HIGD1C: variants seen among roughly 807,000 people sequenced by gnomAD.
HIGD1C encodes HIG1 hypoxia inducible domain family member 1C, also known as HIG1 domain family member 1C.
HIGD1C carries 11 observed loss-of-function variants against 13.1 expected under a neutral mutation model. The observed-to-expected ratio is 0.84, with a 90% CI of 0.53 to 1.39. The LOEUF (loss-of-function observed/expected upper bound fraction) is 1.39, where lower values mean the gene tolerates loss of function less well. HIGD1C is among the 40% of genes most tolerant of loss of function. The probability of loss-of-function intolerance (pLI) is 0.00; values close to 1 mark genes in which losing one functional copy is unlikely to be tolerated. For synonymous variants in HIGD1C, 36 were observed against 37.7 expected, an observed-to-expected ratio of 0.95 and a Z score of 0.17; for missense variants, 110 against 112.0, an observed-to-expected ratio of 0.98 and a Z score of 0.08.
intron 2 of HIGD1C, 145 bp downstream of exon 4, chr12:50,961,247 G>A (rs1393111196): frequency 1.4e-5 from 12 of 870,372 alleles, no homozygotes; most frequent in African/African-American, 3.4e-5. Flanking sequence ...CTTAGTTGAG[G>A]TTGTGGCCCA....
intron 2 of HIGD1C, among the ~76,000 whole-genome samples, chr12:50,965,291 T>A (rs1939499659): frequency 6.6e-6 from 1 of 151,122 alleles, no homozygotes. Context: ...TTTTTAATTT[T>A]TTTTTTTTTT....
chr12:50,950,317 T>C (rs1218755594), upstream of HIGD1C, among the ~76,000 whole-genome samples: 3 of 152,052 alleles, frequency 2.0e-5, no homozygotes, highest in Non-Finnish European at 4.4e-5. Context: ...AAGCATGGAG[T>C]TTGAGGTTGG....
the HIGD1C span, among the ~76,000 whole-genome samples, chr12:50,939,557 C>T: frequency 6.6e-6 from 1 of 152,140 alleles, no homozygotes; most frequent in Non-Finnish European, 1.5e-5. Flanking sequence ...GCTGTCAGTG[C>T]TGCCTCGACA....
At chr12:50,951,194 G>T (rs1002631301), upstream of HIGD1C, among the ~76,000 whole-genome samples, 1 of 152,078 alleles carries the variant, frequency 6.6e-6, no homozygotes, top group Non-Finnish European at 1.5e-5. Context: ...GGAGAACCAG[G>T]CAGACACCAC....
the HIGD1C span, among the ~76,000 whole-genome samples, chr12:50,938,075 C>T: frequency 6.6e-6 from 1 of 152,122 alleles, no homozygotes; most frequent in Non-Finnish European, 1.5e-5. Context: ...TGGGTACCTG[C>T]CCCTTCCAGC....
the HIGD1C span, among the ~76,000 whole-genome samples, chr12:50,937,636 G>A: frequency 6.6e-6 from 1 of 152,112 alleles, no homozygotes; most frequent in African/African-American, 2.4e-5. Context: ...CCAAGTTCTT[G>A]TTCCGTGTCC....
At chr12:50,953,257 C>T (rs1938964335), upstream of HIGD1C, among the ~76,000 whole-genome samples, 1 of 152,218 alleles carries the variant, frequency 6.6e-6, no homozygotes, top group Non-Finnish European at 1.5e-5. Flanking sequence ...GGGTGTGCCA[C>T]AGGTATTGTG....
At chr12:50,970,176 A>C (rs2136105054) in intron 2 of HIGD1C, among the ~76,000 whole-genome samples, 1 of 152,338 alleles carries the variant, frequency 6.6e-6, no homozygotes, top group Middle Eastern at 3.4e-3. Context: ...AAATTTGCCC[A>C]CTTTCCTAAC....
chr12:50,955,218 G>A (rs1195979028), intron 1 of HIGD1C, among the ~76,000 whole-genome samples: 2 of 152,058 alleles, frequency 1.3e-5, no homozygotes, highest in Non-Finnish European at 2.9e-5. Context: ...ACTTGAACCC[G>A]GGAGGTAGAG....
At chr12:50,954,452 G>C (rs569352818) in intron 1 of HIGD1C, 87 of 171,906 alleles carry the variant, frequency 5.1e-4, no homozygotes, top group African/African-American at 1.9e-3. Context: ...AAGCCTATTA[G>C]GGACTATTGA....
chr12:50,972,583 A>G (rs1939788722), downstream of HIGD1C, among the ~76,000 whole-genome samples: 2 of 152,164 alleles, frequency 1.3e-5, no homozygotes, highest in Admixed American at 1.3e-4. Flanking sequence ...AAGATGGGTG[A>G]TTTCTCCATT....
intron 2 of HIGD1C, among the ~76,000 whole-genome samples, chr12:50,968,627 C>T (rs1592271890): frequency 6.6e-6 from 1 of 152,160 alleles, no homozygotes; most frequent in Middle Eastern, 3.4e-3. Flanking sequence ...CTGCAACCTC[C>T]ACCTCCCAGG....
At chr12:50,945,375 C>G in the HIGD1C span, among the ~76,000 whole-genome samples, 1 of 152,314 alleles carries the variant, frequency 6.6e-6, no homozygotes, top group Non-Finnish European at 1.5e-5. Flanking sequence ...TGATAAGCAA[C>G]TTCAGCAAAG....
chr12:50,949,065 T>C (rs892042902), upstream of HIGD1C: 1 of 151,170 alleles, frequency 6.6e-6, no homozygotes, highest in Non-Finnish European at 1.5e-5. Context: ...ACCCACACAG[T>C]GGAGGACTAT....
the HIGD1C span, among the ~76,000 whole-genome samples, chr12:50,946,915 T>A: frequency 2.7e-5 from 4 of 149,018 alleles, no homozygotes; most frequent in African/African-American, 1.0e-4. Flanking sequence ...TAATAAAAAA[T>A]AAATAAATAA....
At chr12:50,960,897 T>C in intron 1 of HIGD1C, 71 bp from the exon 4 acceptor site, 2 of 1,376,854 alleles carry the variant, frequency 1.5e-6, no homozygotes, top group East Asian at 2.7e-5. Flanking sequence ...CCAGGCTGTT[T>C]TCAAACTCCT....
chr12:50,939,444 G>A, the HIGD1C span, among the ~76,000 whole-genome samples: 411 of 152,206 alleles, frequency 2.7e-3, 1 homozygote, highest in African/African-American at 9.3e-3. Flanking sequence ...CACTGCACCT[G>A]GCCTGAAGTA....
At chr12:50,963,090 C>G (rs1026859370) in intron 2 of HIGD1C, among the ~76,000 whole-genome samples, 18 of 151,850 alleles carry the variant, frequency 1.2e-4, no homozygotes, top group Non-Finnish European at 2.9e-5. Flanking sequence ...GGAAAGTAGG[C>G]CAGGCATGGT....
chr12:50,967,028 C>T (rs921502041), intron 2 of HIGD1C, among the ~76,000 whole-genome samples: 1 of 151,772 alleles, frequency 6.6e-6, no homozygotes, highest in African/African-American at 2.4e-5. Context: ...GAGGTAGAAT[C>T]ACTTGAACCC....
Sources: allele counts gnomAD v4.1 joint callset (sites outside exome capture counted in the v4.1 genomes callset), GRCh38; gene constraint gnomAD v4.1.1; transcripts MANE v1.5; gene names NCBI Gene and HGNC (gene_info 2026-07-23, HGNC 2026-07-21).